The following INPP4B variants were observed in gnomAD, a reference collection of about 807,000 sequenced individuals.
INPP4B encodes inositol polyphosphate-4-phosphatase type II B, also known as inositol polyphosphate 4-phosphatase type II.
Under a neutral mutation model 122.5 loss-of-function variants are expected in INPP4B, and 55 were observed. The ratio of observed to expected loss-of-function variants is 0.45; its 90% CI spans 0.36 to 0.56. The LOEUF is 0.56. INPP4B is among the 20% of genes least tolerant of loss of function. The pLI is 0.00. For synonymous variants in INPP4B, 403 were observed against 388.7 expected (o/e 1.04, Z -0.43); for missense variants, 1,000 against 1,097.7 (o/e 0.91, Z 1.26).
intron 2 of INPP4B, chr4:142,467,897 A>G (rs1022223513): frequency 1.3e-5 from 2 of 152,050 alleles, no homozygotes; most frequent in Non-Finnish European, 2.9e-5. Context: ...GAGTTCATGC[A>G]ATATCTGGTT....
intron 2 of INPP4B, among the ~76,000 whole-genome samples, chr4:142,625,591 C>T (rs1198043146): frequency 1.3e-5 from 2 of 152,182 alleles, no homozygotes; most frequent in African/African-American, 2.4e-5. Context: ...CCATCCCCAT[C>T]AAGCTACCAA....
chr4:142,196,886 A>G (rs1838465580), intron 14 of INPP4B, among the ~76,000 whole-genome samples: 1 of 152,040 alleles, frequency 6.6e-6, no homozygotes, highest in Admixed American at 6.6e-5. Context: ...GCACTTTGGG[A>G]GGCTGAGGAG....
chr4:142,397,142 A>C (rs1434145703), intron 7 of INPP4B, among the ~76,000 whole-genome samples: 1 of 152,210 alleles, frequency 6.6e-6, no homozygotes, highest in Non-Finnish European at 1.5e-5. Flanking sequence ...AGGAAAGTGA[A>C]CTTAATTATA....
At chr4:142,654,990 T>A (rs1189234374) in intron 2 of INPP4B, among the ~76,000 whole-genome samples, 1 of 152,088 alleles carries the variant, frequency 6.6e-6, no homozygotes, top group Non-Finnish European at 1.5e-5. Flanking sequence ...GATTCCTGAA[T>A]CTAGTATATG....
intron 5 of INPP4B, among the ~76,000 whole-genome samples, chr4:142,424,497 T>C (rs1003200484): frequency 2.0e-5 from 3 of 152,064 alleles, no homozygotes; most frequent in Middle Eastern, 3.2e-3. Context: ...TGACTGAAGA[T>C]ACACACACCT....
intron 25 of INPP4B, among the ~76,000 whole-genome samples, chr4:142,070,288 C>A (rs1222711025): frequency 6.6e-6 from 1 of 152,076 alleles, no homozygotes; most frequent in African/African-American, 2.4e-5. Flanking sequence ...ATTCGACAGC[C>A]TTTCATGATA....
At position 142,047,805 on chromosome 4, in the gene INPP4B, C is replaced by G. The variant is rs925515196; in HGVS notation, c.2643-18891G>C. Among the ~76,000 whole-genome samples, 4 of 152,046 alleles carry G rather than the reference C, an allele frequency of 2.6e-5. 1 individual carries two copies. Among genetic ancestry groups the G allele is most frequent in the African/African-American group, 9.7e-5 (4 of 41,428 alleles). On this transcript the variant is annotated intron_variant, in intron 25 of 25. Transcript: ENST00000262992. ...GCACAGATATGAAACAAAAATCTCTCTATTTCCCAGCAATCCCCATGGTAT... is the reference window on the plus strand; with the variant it reads ...GCACAGATATGAAACAAAAATCTCTGTATTTCCCAGCAATCCCCATGGTAT...
At chr4:142,454,081 T>C (rs535348248) in intron 3 of INPP4B, among the ~76,000 whole-genome samples, 1 of 152,136 alleles carries the variant, frequency 6.6e-6, no homozygotes, top group Non-Finnish European at 1.5e-5. Flanking sequence ...ATGATTTATG[T>C]CACTGAACAC....
chr4:142,116,983 A>T (rs11722764), intron 21 of INPP4B, among the ~76,000 whole-genome samples: 33,224 of 152,098 alleles, frequency 0.22, 3,713 homozygotes, highest in South Asian at 0.26. Flanking sequence ...AGGGGATATC[A>T]CTACTGATCT....
intron 3 of INPP4B, among the ~76,000 whole-genome samples, chr4:142,454,367 C>G (rs755279906): frequency 3.9e-5 from 6 of 152,070 alleles, no homozygotes; most frequent in Non-Finnish European, 8.8e-5. Context: ...TTTCTGCATA[C>G]CTCCCTATGC....
chr4:142,059,124 G>A (rs1759272701), intron 25 of INPP4B, among the ~76,000 whole-genome samples: 2 of 152,058 alleles, frequency 1.3e-5, no homozygotes, highest in African/African-American at 2.4e-5. Flanking sequence ...TAAAGTAATC[G>A]ACTTTTAATA....
intron 7 of INPP4B, among the ~76,000 whole-genome samples, chr4:142,355,645 C>T (rs1003322643): frequency 6.6e-6 from 1 of 152,032 alleles, no homozygotes; most frequent in African/African-American, 2.4e-5. Flanking sequence ...TCATGACCTT[C>T]TTAGCTGAGG....
At chr4:142,096,179 C>T (rs1392885278) in intron 23 of INPP4B, 3 of 152,000 alleles carry the variant, frequency 2.0e-5, no homozygotes, top group Admixed American at 6.6e-5. Flanking sequence ...GCCAATCTTT[C>T]GTGAGTAGTA....
At chr4:142,455,391 C>CA (rs1815179662) in intron 3 of INPP4B, among the ~76,000 whole-genome samples, 2 of 152,096 alleles carry the variant, frequency 1.3e-5, no homozygotes, top group South Asian at 4.1e-4. Context: ...TTTTAGATCA[C>CA]ACAAATAAGT....
chr4:142,182,827 C>G (rs1324282305), intron 15 of INPP4B, among the ~76,000 whole-genome samples: 1 of 152,194 alleles, frequency 6.6e-6, no homozygotes, highest in East Asian at 1.9e-4. Flanking sequence ...TAGATATTTC[C>G]TTAAAATCTT....
At chr4:142,208,641 A>G in intron 13 of INPP4B, 112 bp from the exon 14 acceptor site, 1 of 589,030 alleles carries the variant, frequency 1.7e-6, no homozygotes, top group Non-Finnish European at 2.8e-6. Flanking sequence ...AGAAAAACAT[A>G]TCCTATATTT....
At chr4:142,701,549 C>G (rs867023576) in intron 2 of INPP4B, among the ~76,000 whole-genome samples, 7 of 150,694 alleles carry the variant, frequency 4.6e-5, no homozygotes, top group Admixed American at 6.6e-5. Flanking sequence ...AGGGATTTGT[C>G]TTGGTAACAG....
intron 2 of INPP4B, among the ~76,000 whole-genome samples, chr4:142,679,206 C>T (rs1470043219): frequency 6.6e-6 from 1 of 151,812 alleles, no homozygotes; most frequent in African/African-American, 2.4e-5. Flanking sequence ...TATACACCTG[C>T]ATGTGATTTC....
chr4:142,467,591 T>G (rs373831367), intron 2 of INPP4B, among the ~76,000 whole-genome samples: 1 of 152,148 alleles, frequency 6.6e-6, no homozygotes, highest in African/African-American at 2.4e-5. Context: ...TGGAAGGAAC[T>G]AATTTCTAGA....
Sources: gnomAD v4.1 joint callset for allele counts (sites outside exome capture counted in the v4.1 genomes callset) on GRCh38, gnomAD v4.1.1 for gene constraint, MANE v1.5 for transcripts, NCBI Gene and HGNC (gene_info 2026-07-23, HGNC 2026-07-21) for gene names.